The following NTM variants were observed in gnomAD, a reference collection of about 807,000 sequenced individuals.
The protein encoded by NTM is IgLON family member 2.
NTM carries 13 observed loss-of-function variants against 42.1 expected under a neutral mutation model. The ratio of observed to expected loss-of-function variants is 0.31; its 90% CI spans 0.20 to 0.49. The LOEUF (loss-of-function observed/expected upper bound fraction) is 0.49, where lower values mean the gene tolerates loss of function less well. Among genes scored for constraint, NTM ranks in the 20% least tolerant of loss-of-function variants. The probability of loss-of-function intolerance (pLI) is 0.99; values close to 1 mark genes in which losing one functional copy is unlikely to be tolerated. For synonymous variants in NTM, 187 were observed against 179.2 expected (o/e 1.04, Z -0.35); for missense variants, 373 against 452.8 (o/e 0.82, Z 1.60).
intron 1 of NTM, among the ~76,000 whole-genome samples, chr11:131,412,077 C>G (rs1241458754): frequency 6.6e-6 from 1 of 152,144 alleles, no homozygotes; most frequent in Non-Finnish European, 1.5e-5. Context: ...AGTGTCAATG[C>G]AATTCTAAGA....
At chr11:132,232,249 A>T (rs902824483) in intron 4 of NTM, among the ~76,000 whole-genome samples, 1 of 152,142 alleles carries the variant, frequency 6.6e-6, no homozygotes, top group African/African-American at 2.4e-5. Flanking sequence ...CAGAGGGGCG[A>T]GTGTAAATTA....
intron 1 of NTM, among the ~76,000 whole-genome samples, chr11:131,493,439 C>A (rs553713911): frequency 6.6e-6 from 1 of 152,116 alleles, no homozygotes; most frequent in South Asian, 2.1e-4. Flanking sequence ...GGTGACTGAG[C>A]AGGTGATCCA....
chr11:132,048,862 T>C (rs1161553693), intron 2 of NTM, among the ~76,000 whole-genome samples: 2 of 149,756 alleles, frequency 1.3e-5, no homozygotes, highest in African/African-American at 4.9e-5. Context: ...ATGAAAACCG[T>C]GTACTCTTTC....
At chr11:132,268,662 CTCTCTCTCTG>C (rs780425258) in intron 4 of NTM, among the ~76,000 whole-genome samples, 833 of 67,918 alleles carry the variant, frequency 0.012, 5 homozygotes, top group African/African-American at 0.032. Flanking sequence ...GGGGTCCTCT[CTCTCTCTCTG>C]TGTGTGTGTG....
chr11:131,678,938 A>G (rs920420274), intron 1 of NTM, among the ~76,000 whole-genome samples: 3 of 152,210 alleles, frequency 2.0e-5, no homozygotes, highest in Non-Finnish European at 4.4e-5. Context: ...CTTCTTGCAC[A>G]CAGCTTCCTC....
chr11:132,256,408 G>A (rs750071758), intron 4 of NTM, among the ~76,000 whole-genome samples: 18 of 152,152 alleles, frequency 1.2e-4, no homozygotes, highest in African/African-American at 4.1e-4. Flanking sequence ...TTTAGAGTGC[G>A]GGCCAACCTA....
rs2095861924 is a variant in NTM, at chr11:132,335,091, C to A, written c.1013C>A (p.Ala338Glu). 6.2e-7 allele frequency: 1 copy of A among 1,612,644 alleles called. No homozygotes were observed. The highest frequency in any genetic ancestry group is 8.5e-7 in the Non-Finnish European group (1 of 1,179,980). ...GTGAGCAACGGCACGTCGAGGAGGGCAGGCTGCGTCTGGCTGCTGCCTCTT... is the reference window on the plus strand; with the variant it reads ...GTGAGCAACGGCACGTCGAGGAGGGAAGGCTGCGTCTGGCTGCTGCCTCTT... ...SEVSNGTSRR[A>E]GCVWLLPLLV... The change falls in exon 9 of 9, where the codon GCA (alanine) becomes GAA (glutamate). Residue 338 changes from alanine (A) to glutamate (E), a missense_variant. This residue lies in a region of NTM where 312 missense variants were observed against 353.5 expected (regional missense o/e 0.88). Transcript: ENST00000683400.
chr11:132,138,625 A>G (rs2068469820), intron 2 of NTM, among the ~76,000 whole-genome samples: 1 of 84,686 alleles, frequency 1.2e-5, no homozygotes, highest in Non-Finnish European at 2.6e-5. Context: ...TATCTATTCT[A>G]ATCTATCGAG....
intron 2 of NTM, among the ~76,000 whole-genome samples, chr11:131,921,888 C>T (rs942160811): frequency 5.9e-5 from 9 of 152,058 alleles, no homozygotes; most frequent in African/African-American, 2.2e-4. Context: ...AGACCCCCAA[C>T]CCCAGGGCCA....
At chr11:132,091,068 ACT>A in intron 2 of NTM, among the ~76,000 whole-genome samples, 1 of 152,006 alleles carries the variant, frequency 6.6e-6, no homozygotes, top group South Asian at 2.1e-4. Flanking sequence ...CCTTTGGCAA[ACT>A]CTTTCTAGGT....
At chr11:131,961,787 A>G (rs1301053171) in intron 2 of NTM, among the ~76,000 whole-genome samples, 1 of 152,200 alleles carries the variant, frequency 6.6e-6, no homozygotes, top group African/African-American at 2.4e-5. Flanking sequence ...GTAATTCCCC[A>G]TGCCATGCAA....
At chr11:131,540,996 T>C (rs1282871258) in intron 1 of NTM, 1 of 152,206 alleles carries the variant, frequency 6.6e-6, no homozygotes, top group African/African-American at 2.4e-5. Flanking sequence ...GAGAGGAAAT[T>C]GCATTTATTA....
At chr11:131,593,206 C>A (rs1242721463) in intron 1 of NTM, among the ~76,000 whole-genome samples, 2 of 152,176 alleles carry the variant, frequency 1.3e-5, no homozygotes, top group African/African-American at 4.8e-5. Flanking sequence ...ATCCCTACAC[C>A]TCTCCTTCCC....
At chr11:131,623,464 T>C (rs149141198) in intron 1 of NTM, among the ~76,000 whole-genome samples, 2 of 152,366 alleles carry the variant, frequency 1.3e-5, no homozygotes, top group East Asian at 1.9e-4. Context: ...TCCACCGAAT[T>C]CCATTTTATA....
chr11:131,774,051 G>T (rs754956493), intron 1 of NTM: 1 of 983,558 alleles, frequency 1.0e-6, no homozygotes, highest in Non-Finnish European at 1.2e-6. Context: ...CATTGACTTT[G>T]CCTTCCTCTG....
At chr11:131,643,581 A>G (rs920164170) in intron 1 of NTM, among the ~76,000 whole-genome samples, 9 of 152,238 alleles carry the variant, frequency 5.9e-5, no homozygotes, top group African/African-American at 1.2e-4. Context: ...TTATGGATAC[A>G]TTTATCCTGA....
At chr11:131,805,541 A>G (rs1317419985) in intron 1 of NTM, among the ~76,000 whole-genome samples, 1 of 152,234 alleles carries the variant, frequency 6.6e-6, no homozygotes, top group Non-Finnish European at 1.5e-5. Flanking sequence ...TAATTTAAAA[A>G]AAGTTTGCCC....
intron 2 of NTM, among the ~76,000 whole-genome samples, chr11:132,024,367 A>G (rs1212357822): frequency 6.6e-6 from 1 of 152,134 alleles, no homozygotes; most frequent in Non-Finnish European, 1.5e-5. Context: ...TCCAATATTA[A>G]AATCTGCAGA....
intron 1 of NTM, among the ~76,000 whole-genome samples, chr11:131,751,354 G>A (rs1379400790): frequency 1.3e-5 from 2 of 152,048 alleles, no homozygotes; most frequent in Non-Finnish European, 2.9e-5. Flanking sequence ...ACTTCGGGAG[G>A]CTGAGGTGGG....
Sources: gnomAD v4.1 joint callset for allele counts (sites outside exome capture counted in the v4.1 genomes callset) on GRCh38, gnomAD v4.1.1 for gene constraint, gnomAD v4.1.1 regional missense constraint, MANE v1.5 for transcripts, NCBI Gene and HGNC (gene_info 2026-07-23, HGNC 2026-07-21) for gene names.